Variants in NAV2 observed in about 807,000 individuals in gnomAD.
NAV2 encodes the protein helicase, APC down-regulated 1.
A neutral mutation model predicts 223.2 loss-of-function variants in NAV2; 54 were observed. The observed-to-expected ratio is 0.24, with a 90% CI of 0.19 to 0.30. NAV2 has a LOEUF of 0.30. Ranked by LOEUF, NAV2 falls within the 10% of genes least tolerant of loss-of-function variation. The pLI is 1.00. For synonymous variants in NAV2, 1,279 were observed against 1,239.3 expected (o/e 1.03, Z -0.67); for missense variants, 2,806 against 3,147.5 (o/e 0.89, Z 2.60).
intron 1 of NAV2, among the ~76,000 whole-genome samples, chr11:19,775,694 G>A (rs1480522421): frequency 6.6e-6 from 1 of 152,228 alleles, no homozygotes; most frequent in Admixed American, 6.5e-5. Context: ...GGAACGAGAA[G>A]TTTCAACATT....
chr11:19,514,432 T>C (rs1168496430), intron 1 of NAV2, among the ~76,000 whole-genome samples: 4 of 152,136 alleles, frequency 2.6e-5, no homozygotes, highest in Non-Finnish European at 2.9e-5. Flanking sequence ...TAGGTGAAAA[T>C]ATTTATCAAC....
intron 6 of NAV2, among the ~76,000 whole-genome samples, chr11:19,932,391 A>G (rs1190300428): frequency 6.6e-6 from 1 of 152,078 alleles, no homozygotes; most frequent in African/African-American, 2.4e-5. Flanking sequence ...GCTGGAGTAC[A>G]ATGGCATGAT....
intron 1 of NAV2, among the ~76,000 whole-genome samples, chr11:19,581,341 T>A (rs2045711542): frequency 6.6e-6 from 1 of 152,228 alleles, no homozygotes; most frequent in Non-Finnish European, 1.5e-5. Context: ...CTGAATCTCC[T>A]TTAATTTCTT....
rs1377766168 is a variant in NAV2, at chr11:20,103,386, G to A, written c.6549G>A (p.Leu2183=). The A allele has an allele frequency of 1.2e-6, 2 of 1,613,964 alleles. No homozygotes were observed. The highest frequency in any genetic ancestry group is 4.5e-5 in the East Asian group (2 of 44,886). ...VSSLGEIFNG[L]LNCKYHKCPY... ...CTCTGGGAGAGATCTTCAATGGGCTGCTCAACTGCAAGTACCACAAATGGT... is the reference window on the plus strand; with the variant it reads ...CTCTGGGAGAGATCTTCAATGGGCTACTCAACTGCAAGTACCACAAATGGT... Residue 2183 remains leucine, a synonymous_variant, in exon 33 of 38, where the codon CTG becomes CTA. Transcript: ENST00000349880.
At chr11:19,856,953 C>T (rs1003879785) in intron 3 of NAV2, among the ~76,000 whole-genome samples, 5 of 152,142 alleles carry the variant, frequency 3.3e-5, no homozygotes, top group Non-Finnish European at 5.9e-5. Context: ...CATAAGCTGC[C>T]GATAGTGGCA....
At chr11:19,408,506 C>T (rs1849998432) in intron 1 of NAV2, among the ~76,000 whole-genome samples, 1 of 152,248 alleles carries the variant, frequency 6.6e-6, no homozygotes, top group South Asian at 2.1e-4. Context: ...GTTTGGGAAT[C>T]CCCTTGGCAG....
At chr11:19,409,199 T>G (rs954641432) in intron 1 of NAV2, among the ~76,000 whole-genome samples, 4 of 152,290 alleles carry the variant, frequency 2.6e-5, no homozygotes, top group Admixed American at 2.6e-4. Context: ...GGTGGATTTA[T>G]TCTGAAAATG....
intron 1 of NAV2, among the ~76,000 whole-genome samples, chr11:19,642,596 G>A (rs764438235): frequency 1.1e-4 from 16 of 152,120 alleles, no homozygotes; most frequent in Non-Finnish European, 1.5e-4. Flanking sequence ...GTGCCAAGGC[G>A]CTGTACATGG....
intron 1 of NAV2, among the ~76,000 whole-genome samples, chr11:19,362,580 ATAG>A (rs1045329634): frequency 1.4e-4 from 21 of 152,318 alleles, no homozygotes; most frequent in African/African-American, 5.1e-4. Flanking sequence ...AAATAATAAT[ATAG>A]TAACAATAGA....
intron 1 of NAV2, among the ~76,000 whole-genome samples, chr11:19,371,556 T>G (rs542775125): frequency 7.9e-4 from 120 of 152,332 alleles, no homozygotes; most frequent in African/African-American, 2.7e-3. Flanking sequence ...CACTTGTTTG[T>G]TACCATAATT....
intron 3 of NAV2, among the ~76,000 whole-genome samples, chr11:19,858,109 G>T (rs1466824310): frequency 6.6e-6 from 1 of 152,174 alleles, no homozygotes; most frequent in African/African-American, 2.4e-5. Flanking sequence ...ACCTGCCTTG[G>T]CCTCCCAAAG....
At chr11:19,599,507 G>T (rs1178832140) in intron 1 of NAV2, among the ~76,000 whole-genome samples, 1 of 152,218 alleles carries the variant, frequency 6.6e-6, no homozygotes, top group Non-Finnish European at 1.5e-5. Flanking sequence ...GGTACAAAGG[G>T]TTTAGTATTA....
chr11:19,565,640 T>G (rs2134827301), intron 1 of NAV2, among the ~76,000 whole-genome samples: 1 of 152,314 alleles, frequency 6.6e-6, no homozygotes, highest in South Asian at 2.1e-4. Flanking sequence ...GGTGATAAAT[T>G]GACAGCCCGC....
intron 1 of NAV2, among the ~76,000 whole-genome samples, chr11:19,596,192 G>C (rs1590638200): frequency 6.6e-6 from 1 of 152,210 alleles, no homozygotes; most frequent in African/African-American, 2.4e-5. Context: ...ATATGGGGTA[G>C]GTGCCCAGGG....
chr11:20,074,114 G>C (rs1206146241), intron 22 of NAV2, among the ~76,000 whole-genome samples: 1 of 152,170 alleles, frequency 6.6e-6, no homozygotes, highest in African/African-American at 2.4e-5. Context: ...ATGTGTCCCA[G>C]ATATTCTAGT....
At chr11:19,992,331 A>G (rs867018412) in intron 11 of NAV2, among the ~76,000 whole-genome samples, 5 of 152,232 alleles carry the variant, frequency 3.3e-5, no homozygotes, top group African/African-American at 1.2e-4. Flanking sequence ...CAGGAAGTAA[A>G]CCATCTGTAA....
At chr11:19,830,430 T>C (rs981169321) in intron 1 of NAV2, among the ~76,000 whole-genome samples, 1 of 152,204 alleles carries the variant, frequency 6.6e-6, no homozygotes, top group African/African-American at 2.4e-5. Flanking sequence ...CTGCCACTTA[T>C]TTGTGACCTT....
chr11:19,934,170 C>G lies in NAV2; in HGVS notation c.1926C>G (p.Val642=), dbSNP rs143425335. The change falls in exon 7 of 38, where the codon GTC becomes GTG. Residue 642 remains valine (V), a synonymous_variant. Coordinates refer to ENST00000349880, the MANE Select transcript of NAV2 (RefSeq NM_145117.5). The stretch of plus-strand genomic sequence containing the variant: ...GCAGCCAGACTGTCAGTGGGTCTGT[C>G]GGGACCACCCAGACCACAGGAAGCA... ...SISSQTVSGS[V]GTTQTTGSNT... 1 of 1,613,942 alleles carries G rather than the reference C, an allele frequency of 6.2e-7. No individual in the cohort carries two copies. The highest frequency in any genetic ancestry group is 8.5e-7 in the Non-Finnish European group (1 of 1,180,002).
intron 16 of NAV2, among the ~76,000 whole-genome samples, chr11:20,050,488 G>C (rs1333736123): frequency 4.6e-5 from 7 of 151,732 alleles, no homozygotes; most frequent in Admixed American, 3.9e-4. Context: ...GCTGTAGGTG[G>C]GCCTCAGAGA....
Sources: gnomAD v4.1 joint callset for allele counts (sites outside exome capture counted in the v4.1 genomes callset) on GRCh38, gnomAD v4.1.1 for gene constraint, MANE v1.5 for transcripts, NCBI Gene and HGNC (gene_info 2026-07-23, HGNC 2026-07-21) for gene names.